The following PHC3 variants were observed in gnomAD, a reference collection of about 807,000 sequenced individuals.
The protein encoded by PHC3 is polyhomeotic-like protein 3.
In PHC3, 13 loss-of-function variants were observed where a neutral mutation model predicts 107.4. The ratio of observed to expected loss-of-function variants is 0.12; its 90% CI spans 0.08 to 0.19. The LOEUF (loss-of-function observed/expected upper bound fraction) is 0.19, where lower values mean the gene tolerates loss of function less well. Among genes scored for constraint, PHC3 ranks in the 10% least tolerant of loss-of-function variants. The probability of loss-of-function intolerance (pLI) is 1.00; values close to 1 mark genes in which losing one functional copy is unlikely to be tolerated. For synonymous variants in PHC3, 456 were observed against 427.4 expected (o/e 1.07, Z -0.83); for missense variants, 992 against 1,210.9 (o/e 0.82, Z 2.68).
chr3:170,115,383 T>C (rs1003093761), intron 10 of PHC3, among the ~76,000 whole-genome samples: 4 of 152,170 alleles, frequency 2.6e-5, no homozygotes, highest in Non-Finnish European at 5.9e-5. Flanking sequence ...ATACATTATA[T>C]ACACAAACAC....
Position 170,129,069 on chromosome 3 carries a change from A to T in PHC3, c.1403T>A (p.Leu468His). The change falls in exon 8 of 15, where the codon CTT becomes CAT. Residue 468 changes from leucine (L) to histidine (H), a missense_variant. Physicochemically the swap from Leu to His is moderately conservative, Grantham distance 99. Around this residue, in one of 6 missense-constraint regions of PHC3, gnomAD observed 543 missense variants for 590.8 expected, o/e 0.92. Transcript: ENST00000495893. ...ATAQLNLPSH[L>H]PLPASPVVHI... Reference sequence around the variant, plus strand: ...TACAACAGGGGAAGCTGGAAGTGGAAGATGGGATGGAAGATTCAACTGTGC... The same window carrying T: ...TACAACAGGGGAAGCTGGAAGTGGATGATGGGATGGAAGATTCAACTGTGC... The T allele has an allele frequency of 6.2e-7, 1 of 1,611,810 alleles. No homozygotes were observed. The highest frequency in any genetic ancestry group is 8.5e-7 in the Non-Finnish European group (1 of 1,178,862).
chr3:170,102,768 G>A, intron 13 of PHC3, 34 bp downstream of exon 13: 1 of 1,613,258 alleles, frequency 6.2e-7, no homozygotes, highest in South Asian at 1.1e-5. Flanking sequence ...TTTCTGAAAA[G>A]GGTATTTTAC....
chr3:170,164,750 G>C (rs1005693173), intron 4 of PHC3, among the ~76,000 whole-genome samples: 2 of 152,074 alleles, frequency 1.3e-5, no homozygotes, highest in Non-Finnish European at 2.9e-5. Context: ...CAGTAATCCA[G>C]AAACACCACA....
chr3:170,097,937 T>C lies in PHC3; in HGVS notation c.2834-553A>G, dbSNP rs1201539069. Among the ~76,000 whole-genome samples, 4 of 152,216 alleles carry C rather than the reference T, an allele frequency of 2.6e-5. No individual in the cohort carries two copies. The highest frequency in any genetic ancestry group is 5.9e-5 in the Non-Finnish European group (4 of 68,030). ...ATATTTTTATTGTTCACTCGGGACA[T>C]ATCAAATTTCTCAAGACTGTATTAC... On this transcript the variant is annotated intron_variant, in intron 14 of 14. Coordinates refer to ENST00000495893, the MANE Select transcript of PHC3 (RefSeq NM_024947.4). The surrounding 1 kb of genome is among the most constrained non-coding windows in gnomAD (Gnocchi z 4.1).
At chr3:170,126,529 T>TATATATA (rs1491097010) in intron 8 of PHC3, among the ~76,000 whole-genome samples, 19 of 39,958 alleles carry the variant, frequency 4.8e-4, no homozygotes, top group African/African-American at 1.2e-3. Flanking sequence ...TATATATATA[T>TATATATA]TTTTTTTTTT....
intron 4 of PHC3, among the ~76,000 whole-genome samples, chr3:170,160,328 T>C (rs1445929400): frequency 1.3e-5 from 2 of 152,232 alleles, no homozygotes; most frequent in African/African-American, 4.8e-5. Context: ...CTCTCTTCTG[T>C]TAACTCCTAT....
intron 2 of PHC3, among the ~76,000 whole-genome samples, chr3:170,177,963 G>A (rs191576770): frequency 2.6e-5 from 4 of 152,016 alleles, no homozygotes; most frequent in East Asian, 1.9e-4. Flanking sequence ...GAGCCACCAC[G>A]CCTAGCCAAT....
chr3:170,094,524 T>C lies in PHC3; in HGVS notation c.*2706A>G, dbSNP rs934274186. The C allele has an allele frequency of 2.0e-5, 3 of 152,060 alleles. No homozygotes were observed. The highest frequency in any genetic ancestry group is 1.9e-4 in the East Asian group (1 of 5,192). The allele number at this position is 152,060 out of a possible 1,614,324, so 9.4% of individuals were successfully genotyped here. ...GTAGTATGAAAGGATATGAAAACAATTTACTCTCCCCACCTATATCATACT... is the reference window on the plus strand; with the variant it reads ...GTAGTATGAAAGGATATGAAAACAACTTACTCTCCCCACCTATATCATACT... On this transcript the variant is annotated 3_prime_UTR_variant, in exon 15 of 15. Transcript: ENST00000495893.
intron 6 of PHC3, among the ~76,000 whole-genome samples, chr3:170,138,603 T>C (rs946080039): frequency 6.1e-5 from 9 of 148,710 alleles, no homozygotes; most frequent in Non-Finnish European, 5.9e-5. Context: ...GGCAGGAGAA[T>C]TGCTTGAAAC....
intron 8 of PHC3, chr3:170,128,461 C>CT: frequency 8.5e-7 from 1 of 1,182,096 alleles, no homozygotes; most frequent in Non-Finnish European, 1.1e-6. Context: ...TAACGAGGGA[C>CT]TTTAATTACC....
At chr3:170,164,511 G>A (rs1176988790) in intron 4 of PHC3, among the ~76,000 whole-genome samples, 1 of 151,988 alleles carries the variant, frequency 6.6e-6, no homozygotes, top group African/African-American at 2.4e-5. Flanking sequence ...CAAGAATTCT[G>A]CTTCCAAAAA....
In PHC3 at chr3:170,122,594, A is replaced by C. The variant is rs572700834; in HGVS notation, c.1939T>G (p.Leu647Val). 6.2e-7 allele frequency: 1 copy of C among 1,613,914 alleles called. No homozygotes were observed. Among genetic ancestry groups the C allele is most frequent in the African/African-American group, 1.3e-5 (1 of 75,044 alleles). The change falls in exon 9 of 15, where the codon TTA becomes GTA. Residue 647 changes from leucine to valine, a missense_variant. Leu to Val is a conservative substitution (Grantham distance 32). This residue lies in a region of PHC3 where 543 missense variants were observed against 590.8 expected (regional missense o/e 0.92). Coordinates refer to ENST00000495893, the MANE Select transcript of PHC3 (RefSeq NM_024947.4). ...GEDLTSEHPL[L>V]EQVELPAVAS... ...ACAAATTTTGGTATTTTCTCACCTA[A>C]CAAAGGATGTTCAGAAGTCAAATCT...
At chr3:170,130,720 T>C (rs1722106934) in intron 7 of PHC3, among the ~76,000 whole-genome samples, 1 of 152,188 alleles carries the variant, frequency 6.6e-6, no homozygotes, top group South Asian at 2.1e-4. Flanking sequence ...ATTAGCACAG[T>C]CAAGTGGTAG....
intron 4 of PHC3, among the ~76,000 whole-genome samples, chr3:170,152,156 GTTTGTT>G (rs1441684377): frequency 6.6e-6 from 1 of 151,326 alleles, no homozygotes; most frequent in Non-Finnish European, 1.5e-5. Flanking sequence ...CTGTAATTTT[GTTTGTT>G]TTTGTTTTGT....
intron 4 of PHC3, among the ~76,000 whole-genome samples, chr3:170,153,444 G>A (rs552553880): frequency 6.6e-6 from 1 of 152,206 alleles, no homozygotes; most frequent in East Asian, 1.9e-4. Flanking sequence ...ATCTTTCCCT[G>A]ATTATTAATA....
rs187828136 is a variant in PHC3 at position 170,115,835 on chromosome 3, T to C, written c.2193+1391A>G. 1.1e-4 allele frequency among the ~76,000 whole-genome samples: 17 copies of C among 151,724 alleles called. No individual in the cohort carries two copies. In the East Asian group the frequency reaches 2.3e-3, roughly 21 times the overall value. ...GCAGACAGGGAAAAAAGACTGTTCC[T>C]CCATCCACTGTATGAGAATTGTTAT... On this transcript the variant is annotated intron_variant, in intron 10 of 14. Transcript: ENST00000495893.
At chr3:170,140,068 C>G (rs2108529563) in intron 6 of PHC3, among the ~76,000 whole-genome samples, 1 of 152,042 alleles carries the variant, frequency 6.6e-6, no homozygotes, top group Middle Eastern at 3.4e-3. Flanking sequence ...CTAACAAATA[C>G]TATGGCAATT....
chr3:170,159,492 GATAAAGGATCAATCC>G (rs1365744721), intron 4 of PHC3, among the ~76,000 whole-genome samples: 1 of 152,006 alleles, frequency 6.6e-6, no homozygotes, highest in Non-Finnish European at 1.5e-5. Flanking sequence ...AGGTAAACAA[GATAAAGGATCAATCC>G]AGAAAGGTCA....
At chr3:170,126,483 T>G (rs1392413222) in intron 8 of PHC3, among the ~76,000 whole-genome samples, 1 of 147,022 alleles carries the variant, frequency 6.8e-6, no homozygotes, top group African/African-American at 2.5e-5. Context: ...GCTTTAGTTT[T>G]CAAAGTATTA....
Sources: allele counts gnomAD v4.1 joint callset (sites outside exome capture counted in the v4.1 genomes callset), GRCh38; gene constraint gnomAD v4.1.1; regional missense constraint gnomAD v4.1.1; non-coding constraint Gnocchi (gnomAD v3.1); transcripts MANE v1.5; gene names NCBI Gene and HGNC (gene_info 2026-07-23, HGNC 2026-07-21).